The following CSRNP3 variants were observed in gnomAD, a reference collection of about 807,000 sequenced individuals.
CSRNP3 encodes cysteine/serine-rich nuclear protein 3.
Under a neutral mutation model 48.0 loss-of-function variants are expected in CSRNP3, and 12 were observed. That is an observed-to-expected ratio of 0.25 (90% CI 0.16 to 0.41). The LOEUF (loss-of-function observed/expected upper bound fraction) is 0.41. Ranked by LOEUF, CSRNP3 falls within the 10% of genes least tolerant of loss-of-function variation. The pLI, the probability that CSRNP3 is intolerant of heterozygous loss-of-function variation, is 1.00. For missense variants in CSRNP3, 580 were observed against 724.4 expected, an observed-to-expected ratio of 0.80 and a Z score of 2.29; for synonymous variants, 263 against 269.7, an observed-to-expected ratio of 0.98 and a Z score of 0.24.
At chr2:165,557,515 T>C (rs1029657841) in intron 3 of CSRNP3, among the ~76,000 whole-genome samples, 1 of 152,172 alleles carries the variant, frequency 6.6e-6, no homozygotes, top group Non-Finnish European at 1.5e-5. Flanking sequence ...AATAAAAGCA[T>C]ACTTCATCTT....
chr2:165,670,254 A>G (rs1687306497), intron 5 of CSRNP3, among the ~76,000 whole-genome samples: 1 of 152,086 alleles, frequency 6.6e-6, no homozygotes, highest in African/African-American at 2.4e-5. Context: ...TGCCAGCCCC[A>G]CTGCCACCCT....
chr2:165,501,297 TAAG>T (rs1199998764), intron 2 of CSRNP3, among the ~76,000 whole-genome samples: 3 of 152,118 alleles, frequency 2.0e-5, no homozygotes, highest in Non-Finnish European at 2.9e-5. Context: ...TGAACATTAA[TAAG>T]AAAAGTTATG....
chr2:165,601,835 T>C (rs775888125), intron 4 of CSRNP3, among the ~76,000 whole-genome samples: 24 of 152,192 alleles, frequency 1.6e-4, no homozygotes, highest in Admixed American at 7.2e-4. Flanking sequence ...AGAAAACAGA[T>C]TTGACATTAA....
At chr2:165,610,248 A>C (rs1446750348) in intron 4 of CSRNP3, among the ~76,000 whole-genome samples, 1 of 152,172 alleles carries the variant, frequency 6.6e-6, no homozygotes, top group Non-Finnish European at 1.5e-5. Context: ...TCCCACAGTG[A>C]GTGTTGAAAA....
chr2:165,597,116 T>C (rs921587865), intron 4 of CSRNP3, among the ~76,000 whole-genome samples: 1 of 152,208 alleles, frequency 6.6e-6, no homozygotes, highest in Non-Finnish European at 1.5e-5. Flanking sequence ...ATTGGACATA[T>C]CTTTAAAATG....
At chr2:165,536,506 G>A (rs1475001727) in intron 3 of CSRNP3, among the ~76,000 whole-genome samples, 1 of 151,860 alleles carries the variant, frequency 6.6e-6, no homozygotes, top group Admixed American at 6.6e-5. Context: ...ACTATTTAAA[G>A]TATTGGTTTT....
intron 3 of CSRNP3, among the ~76,000 whole-genome samples, chr2:165,567,469 G>C (rs1685313139): frequency 6.6e-6 from 1 of 152,038 alleles, no homozygotes; most frequent in African/African-American, 2.4e-5. Flanking sequence ...TGCAGTAGCA[G>C]CAATTATAGA....
chr2:165,587,388 A>C (rs1685649523), intron 3 of CSRNP3, among the ~76,000 whole-genome samples: 2 of 152,244 alleles, frequency 1.3e-5, no homozygotes. Flanking sequence ...TGGCTTTGAA[A>C]TGCAATTGAG....
intron 4 of CSRNP3, among the ~76,000 whole-genome samples, chr2:165,632,484 G>T (rs554241570): frequency 6.6e-6 from 1 of 152,118 alleles, no homozygotes; most frequent in Admixed American, 6.6e-5. Context: ...ACTCCAGTCA[G>T]AGTGACAGAG....
intron 2 of CSRNP3, among the ~76,000 whole-genome samples, chr2:165,504,479 G>T (rs190437229): frequency 2.0e-5 from 3 of 152,034 alleles, no homozygotes; most frequent in Admixed American, 6.6e-5. Flanking sequence ...TCCAGTGCCC[G>T]CACTGTTAAC....
At chr2:165,470,980 G>C (rs1683886491) in intron 1 of CSRNP3, among the ~76,000 whole-genome samples, 4 of 151,682 alleles carry the variant, frequency 2.6e-5, no homozygotes, top group African/African-American at 9.7e-5. Flanking sequence ...TTTTCTTTTT[G>C]TTTATTGTTT....
chr2:165,657,576 G>A (rs1359549729), intron 4 of CSRNP3, among the ~76,000 whole-genome samples, 185 bp from the exon 5 acceptor site: 10 of 152,158 alleles, frequency 6.6e-5, no homozygotes, highest in Non-Finnish European at 1.5e-4. Context: ...CTCTGCTGCA[G>A]CTAGAAGAAA....
intron 3 of CSRNP3, among the ~76,000 whole-genome samples, chr2:165,553,607 C>T (rs542473314): frequency 8.8e-4 from 134 of 152,136 alleles, no homozygotes; most frequent in African/African-American, 2.8e-3. Context: ...AGTTTCTCTC[C>T]GCCCTCATCT....
intron 4 of CSRNP3, among the ~76,000 whole-genome samples, chr2:165,653,587 T>A (rs911065582): frequency 5.3e-5 from 8 of 152,154 alleles, no homozygotes; most frequent in African/African-American, 1.9e-4. Flanking sequence ...GAAGAATTCT[T>A]ATAATCTCAA....
rs1291170889 is a variant in CSRNP3, at chr2:165,681,760, T to TATATATATATATACAC, written c.*2008_*2009insTATATATATATACACA. 3 of 44,726 alleles carry TATATATATATATACAC rather than the reference T, an allele frequency of 6.7e-5. No individual in the cohort carries two copies. Among genetic ancestry groups the TATATATATATATACAC allele is most frequent in the African/African-American group, 1.8e-4 (3 of 16,432 alleles). The allele number at this position is 44,726 out of a possible 1,614,324, so 2.8% of individuals were successfully genotyped here. A position where few individuals can be genotyped will look rare whatever the true frequency, so the allele number is the denominator to read the frequency against. The stretch of plus-strand genomic sequence containing the variant: ...ATATATATATATATATATATATATA[T>TATATATATATATACAC]ACACACACACACACACATACACATA... On this transcript the variant is annotated 3_prime_UTR_variant, in exon 7 of 7. Transcript: ENST00000651982.
chr2:165,478,994 C>T (rs1041377205), intron 1 of CSRNP3, among the ~76,000 whole-genome samples: 2 of 152,094 alleles, frequency 1.3e-5, no homozygotes, highest in African/African-American at 2.4e-5. Context: ...TAAAGATAAA[C>T]AGGACATTAT....
At chr2:165,667,353 A>G (rs1027372686) in intron 5 of CSRNP3, among the ~76,000 whole-genome samples, 1 of 152,232 alleles carries the variant, frequency 6.6e-6, no homozygotes, top group Admixed American at 6.5e-5. Flanking sequence ...AACTTAGGCA[A>G]TAGTCTAATA....
intron 1 of CSRNP3, among the ~76,000 whole-genome samples, chr2:165,492,631 C>G (rs1409637982): frequency 3.3e-5 from 5 of 150,644 alleles, no homozygotes; most frequent in African/African-American, 1.2e-4. Context: ...GTATTTATCT[C>G]CATATGATGT....
chr2:165,484,494 CA>C (rs1684087183), intron 1 of CSRNP3, among the ~76,000 whole-genome samples: 1 of 152,168 alleles, frequency 6.6e-6, no homozygotes, highest in South Asian at 2.1e-4. Flanking sequence ...TACAATTTTT[CA>C]GTGCTAGAAA....
Sources: allele counts gnomAD v4.1 joint callset (sites outside exome capture counted in the v4.1 genomes callset), GRCh38; gene constraint gnomAD v4.1.1; transcripts MANE v1.5; gene names NCBI Gene and HGNC (gene_info 2026-07-23, HGNC 2026-07-21).